EOMES: variants seen among roughly 807,000 people sequenced by gnomAD.
EOMES encodes the protein eomesodermin, also known as eomesodermin homolog.
A neutral mutation model predicts 61.0 loss-of-function variants in EOMES; 18 were observed. That is an observed-to-expected ratio of 0.30 (90% CI 0.20 to 0.44). The LOEUF (loss-of-function observed/expected upper bound fraction) is 0.44, where lower values mean the gene tolerates loss of function less well. Among genes scored for constraint, EOMES ranks in the 20% least tolerant of loss-of-function variants. The probability of loss-of-function intolerance (pLI) is 1.00; values close to 1 mark genes in which losing one functional copy is unlikely to be tolerated. For synonymous variants in EOMES, 430 were observed against 394.0 expected, an observed-to-expected ratio of 1.09 and a Z score of -1.08; for missense variants, 885 against 939.2, an observed-to-expected ratio of 0.94 and a Z score of 0.75.
At chr3:27,720,854 A>G (rs2060607054) in intron 1 of EOMES, among the ~76,000 whole-genome samples, 1 of 152,090 alleles carries the variant, frequency 6.6e-6, no homozygotes, top group African/African-American at 2.4e-5. Flanking sequence ...GTATATCAGA[A>G]CTTTCTCGCG....
chr3:27,720,489 A>G (rs2060603056), intron 1 of EOMES, among the ~76,000 whole-genome samples, 164 bp from the exon 2 acceptor site: 1 of 137,428 alleles, frequency 7.3e-6, no homozygotes, highest in Non-Finnish European at 1.5e-5. Flanking sequence ...AACTATGTAA[A>G]ATATTTTTGA....
intron 3 of EOMES, 87 bp from the exon 4 acceptor site, chr3:27,718,980 G>T: frequency 9.9e-7 from 1 of 1,013,408 alleles, no homozygotes; most frequent in South Asian, 1.7e-5. Flanking sequence ...TATGTATTTT[G>T]GTATTGGACT....
chr3:27,720,268 G>A lies in EOMES; in HGVS notation c.939C>T (p.Tyr313=), dbSNP rs866275221. 1 of 1,613,760 alleles carries A rather than the reference G, an allele frequency of 6.2e-7. No individual in the cohort carries two copies. The highest frequency in any genetic ancestry group is 2.2e-5 in the East Asian group (1 of 44,870). ...CCAGCACCACCTCTACGAACACATT[G>A]TAGTGGGCAGTGGGATTGAGTCCGT... ...NINGLNPTAH[Y]NVFVEVVLAD... The change falls in exon 2 of 6, where the codon TAC becomes TAT. Residue 313 remains tyrosine, a synonymous_variant. Coordinates refer to ENST00000449599, the MANE Select transcript of EOMES (RefSeq NM_001278182.2).
rs3062761 is a variant in EOMES, at chr3:27,721,914, C to CGCGGCGGCGGCG, written c.369_380dup (p.Ala127_Ala130dup). ...TGGAGTAGCGCGCAGTGGCCGCAGC[C>CGCGGCGGCGGCG]GCGGCGGCGGCGGCGGCGGCGGCTG... is the stretch of plus-strand genomic sequence containing the variant. On this transcript the variant is annotated inframe_insertion, in exon 1 of 6. Transcript: ENST00000449599. The surrounding 1 kb of genome is among the most constrained non-coding windows in gnomAD (Gnocchi z 7.4). 1.7e-6 allele frequency: 2 copies of CGCGGCGGCGGCG among 1,152,658 alleles called. No homozygotes were observed. 71.4% of individuals were successfully genotyped at this position (1,152,658 alleles called of 1,614,324 possible).
chr3:27,722,642 C>A (rs2060625975), upstream of EOMES: 1 of 1,075,516 alleles, frequency 9.3e-7, no homozygotes, highest in Non-Finnish European at 1.1e-6. Flanking sequence ...TTGTCCCCAT[C>A]CACCCACTAG....
At chr3:27,722,446 C>A, upstream of EOMES, 7 of 1,366,824 alleles carry the variant, frequency 5.1e-6, no homozygotes, top group Non-Finnish European at 6.6e-6. Flanking sequence ...ACTCGCGGGC[C>A]GCTACTGCGC....
chr3:27,721,312 C>G lies in EOMES; in HGVS notation c.881+102G>C. On this transcript the variant is annotated intron_variant, in intron 1 of 5. Transcript: ENST00000449599. This position sits in a 1 kb window ranked among gnomAD's most constrained non-coding sequence, Gnocchi z 7.4. ...GCGCGCGGTGAAACACTCTAAGCACCGCGCGGAACAACTGGGTTCAGCTCC... is the reference window on the plus strand; with the variant it reads ...GCGCGCGGTGAAACACTCTAAGCACGGCGCGGAACAACTGGGTTCAGCTCC... 2 of 946,458 alleles carry G rather than the reference C, an allele frequency of 2.1e-6. No individual in the cohort carries two copies. The highest frequency in any genetic ancestry group is 2.3e-5 in the Admixed American group (1 of 44,100). 58.6% of individuals were successfully genotyped at this position (946,458 alleles called of 1,614,324 possible).
At chr3:27,720,150 C>T (rs1232098490) in intron 2 of EOMES, 21 bp downstream of exon 2, 4 of 1,539,000 alleles carry the variant, frequency 2.6e-6, no homozygotes, top group Admixed American at 4.2e-5. Flanking sequence ...CCTCCCCGGC[C>T]CGAGCCTCTT....
Position 27,720,322 on chromosome 3 carries a change from G to T in EOMES, c.885C>A (p.Arg295=). 6.2e-7 allele frequency: 1 copy of T among 1,613,806 alleles called. No homozygotes were observed. Reference sequence around the variant, plus strand: ...TGTTGAAGCTCAAGAAAGGAAACATGCGCCTGTGCAAGGGAATAGAATCAG... The same window carrying T: ...TGTTGAAGCTCAAGAAAGGAAACATTCGCCTGTGCAAGGGAATAGAATCAG... ...TEMIITKQGR[R]MFPFLSFNIN... Residue 295 remains arginine (R), a synonymous_variant, in exon 2 of 6, where the codon CGC becomes CGA. Coordinates refer to ENST00000449599, the MANE Select transcript of EOMES (RefSeq NM_001278182.2).
Position 27,717,499 on chromosome 3 carries a change from T to C in EOMES, c.1689A>G (p.Thr563=), listed in dbSNP as rs745664766. 1 of 1,614,072 alleles carries C rather than the reference T, an allele frequency of 6.2e-7. No homozygotes were observed. Among genetic ancestry groups the C allele is most frequent in the Non-Finnish European group, 8.5e-7 (1 of 1,179,968 alleles). ...AGGATTTAATGCCATATGGGAGCAA[T>C]GTGCTAGAAGTATATTCAGATTCAT... ...SSYESEYTSS[T]LLPYGIKSLP... The change falls in exon 6 of 6, where the codon ACA becomes ACG. Residue 563 remains threonine, a synonymous_variant. Coordinates refer to ENST00000449599, the MANE Select transcript of EOMES (RefSeq NM_001278182.2). The surrounding 1 kb of genome is among the most constrained non-coding windows in gnomAD (Gnocchi z 4.5).
Position 27,720,531 on chromosome 3 carries a change from C to CAAA in EOMES, c.882-209_882-207dup, listed in dbSNP as rs757181277. ...AACTCTTGGAACCTTTCCGTCTTTT[C>CAAA]AAAAAAAAAAAAAAAAAAAAAAAAA... is the stretch of plus-strand genomic sequence containing the variant. On this transcript the variant is annotated intron_variant, in intron 1 of 5. Transcript: ENST00000449599. Among the ~76,000 whole-genome samples the CAAA allele has an allele frequency of 1.6e-3, 97 of 62,322 alleles. 21 individuals carry two copies. Among genetic ancestry groups the CAAA allele is most frequent in the East Asian group, 2.1e-3 (4 of 1,898 alleles). 40.9% of individuals were successfully genotyped at this position (62,322 alleles called of 152,430 possible).
chr3:27,722,503 C>A (rs914796479), upstream of EOMES: 3 of 1,348,762 alleles, frequency 2.2e-6, no homozygotes, highest in East Asian at 3.1e-5. Flanking sequence ...AGGAAAGCGC[C>A]GTGAGTTGGA....
intron 2 of EOMES, 50 bp downstream of exon 2, chr3:27,720,121 C>T (rs369710181): frequency 7.3e-6 from 11 of 1,504,196 alleles, no homozygotes; most frequent in African/African-American, 7.0e-5. Flanking sequence ...TCGAGGGTTA[C>T]GATTTCTTCC....
At position 27,721,831 on chromosome 3, in the gene EOMES, T is replaced by G; in HGVS notation, c.464A>C (p.Glu155Ala). ...YLQSPGPQGS[E>A]LAAPCSLFPY... The stretch of plus-strand genomic sequence containing the variant: ...GAAGAGTGAGCAGGGCGCAGCCAGC[T>G]CCGACCCCTGAGGACCGGGGGACTG... Residue 155 changes from glutamate (E) to alanine (A), a missense_variant, in exon 1 of 6, where the codon GAG becomes GCG. By Grantham distance (107) the Glu-to-Ala change is moderately radical. This residue lies in a region of EOMES where 449 missense variants were observed against 383.6 expected (regional missense o/e 1.17). Coordinates refer to ENST00000449599, the MANE Select transcript of EOMES (RefSeq NM_001278182.2). The surrounding 1 kb of genome is among the most constrained non-coding windows in gnomAD (Gnocchi z 7.4). The G allele has an allele frequency of 6.6e-7, 1 of 1,520,964 alleles. No homozygotes were observed. The highest frequency in any genetic ancestry group is 8.8e-7 in the Non-Finnish European group (1 of 1,141,280). The allele number at this position is 1,520,964 out of a possible 1,614,324, so 94.2% of individuals were successfully genotyped here.
rs759399610 is a variant in EOMES, at chr3:27,721,752, G to T, written c.543C>A (p.Asn181Lys). ...TGGAGCCGTAGGGGTAGCGCGCCCC[G>T]TTAGGAGCCGGGTACACAGGTCCGT... is the stretch of plus-strand genomic sequence containing the variant. ...APHGPVYPAP[N>K]GARYPYGSML... is the part of the protein sequence containing the mutation. Residue 181 changes from asparagine to lysine, a missense_variant, in exon 1 of 6, where the codon AAC (asparagine) becomes AAA (lysine). Physicochemically the swap from Asn to Lys is moderately conservative, Grantham distance 94. Transcript: ENST00000449599. The surrounding 1 kb of genome is among the most constrained non-coding windows in gnomAD (Gnocchi z 7.4). 1.3e-6 allele frequency: 2 copies of T among 1,489,638 alleles called. No homozygotes were observed. The highest frequency in any genetic ancestry group is 2.8e-5 in the Admixed American group (1 of 35,470). 92.3% of individuals were successfully genotyped at this position (1,489,638 alleles called of 1,614,324 possible).
At position 27,716,874 on chromosome 3, in the gene EOMES, A is replaced by T. The variant is rs943886714; in HGVS notation, c.*196T>A. 2.3e-5 allele frequency: 13 copies of T among 557,024 alleles called. No individual in the cohort carries two copies. The highest frequency in any genetic ancestry group is 9.3e-4 in the Middle Eastern group (2 of 2,150). 34.5% of individuals were successfully genotyped at this position (557,024 alleles called of 1,614,324 possible). ...AAGTCTTCCATTAATCTTATTTTTT[A>T]AAAATGCTAGGTTTGTTTCAGTTAC... On this transcript the variant is annotated 3_prime_UTR_variant, in exon 6 of 6. Transcript: ENST00000449599.
chr3:27,719,140 C>T (rs2060591625), intron 3 of EOMES, among the ~76,000 whole-genome samples: 1 of 150,728 alleles, frequency 6.6e-6, no homozygotes, highest in Middle Eastern at 3.2e-3. Context: ...TCCCAAAATA[C>T]TTCGCTATTT....
rs751439319 is a variant in EOMES at position 27,721,590 on chromosome 3, C to T, written c.705G>A (p.Gln235=). The T allele has an allele frequency of 3.8e-5, 59 of 1,569,838 alleles. No individual in the cohort carries two copies. Among genetic ancestry groups the T allele is most frequent in the Non-Finnish European group, 4.7e-5 (55 of 1,159,816 alleles). ...GGGPGTYQYS[Q]GAPLYGPYPG... is the part of the protein sequence containing the mutation. ...GGTACGGCCCGTAGAGCGGAGCCCCCTGGCTGTACTGATAGGTGCCCGGGC... is the reference window on the plus strand; with the variant it reads ...GGTACGGCCCGTAGAGCGGAGCCCCTTGGCTGTACTGATAGGTGCCCGGGC... The change falls in exon 1 of 6, where the codon CAG becomes CAA. Residue 235 remains glutamine (Q), a synonymous_variant. Transcript: ENST00000449599. This position sits in a 1 kb window ranked among gnomAD's most constrained non-coding sequence, Gnocchi z 7.4.
chr3:27,721,553 C>T lies in EOMES; in HGVS notation c.742G>A (p.Ala248Thr). 1 of 1,606,162 alleles carries T rather than the reference C, an allele frequency of 6.2e-7. No individual in the cohort carries two copies. The highest frequency in any genetic ancestry group is 8.5e-7 in the Non-Finnish European group (1 of 1,176,954). Reference protein sequence around the residue: ...PLYGPYPGAAAAGSCGGLGGL... With the variant: ...PLYGPYPGAATAGSCGGLGGL... Reference sequence around the variant, plus strand: ...CCCAGTCCTCCGCAAGATCCCGCCGCTGCGGCTCCAGGGTACGGCCCGTAG... The same window carrying T: ...CCCAGTCCTCCGCAAGATCCCGCCGTTGCGGCTCCAGGGTACGGCCCGTAG... Residue 248 changes from alanine (A) to threonine (T), a missense_variant, in exon 1 of 6, where the codon GCG (alanine) becomes ACG (threonine). By Grantham distance (58) the Ala-to-Thr change is moderately conservative. Transcript: ENST00000449599. The surrounding 1 kb of genome is among the most constrained non-coding windows in gnomAD (Gnocchi z 7.4).
Sources: allele counts gnomAD v4.1 joint callset (sites outside exome capture counted in the v4.1 genomes callset), GRCh38; gene constraint gnomAD v4.1.1; regional missense constraint gnomAD v4.1.1; non-coding constraint Gnocchi (gnomAD v3.1); transcripts MANE v1.5; gene names NCBI Gene and HGNC (gene_info 2026-07-23, HGNC 2026-07-21).